Variants in AK9 observed in about 807,000 individuals in gnomAD.
The protein encoded by AK9 is adenylate kinase domain containing 1.
Under a neutral mutation model 239.6 loss-of-function variants are expected in AK9, and 191 were observed. That is an observed-to-expected ratio of 0.80 (90% CI 0.71 to 0.90). The LOEUF is 0.90. Among genes scored for constraint, AK9 ranks in the 40% least tolerant of loss-of-function variants. AK9 has a pLI of 0.00. For missense variants in AK9, 1,995 were observed against 2,214.7 expected, an observed-to-expected ratio of 0.90 and a Z score of 1.99; for synonymous variants, 689 against 721.0, an observed-to-expected ratio of 0.96 and a Z score of 0.71.
chr6:109,659,122 G>A, intron 7 of AK9, 106 bp downstream of exon 7: 3 of 1,313,674 alleles, frequency 2.3e-6, no homozygotes, highest in Admixed American at 5.9e-5. Flanking sequence ...AAGATGTAAA[G>A]AAAATGTATA....
At chr6:109,547,781 G>C (rs777278297) in intron 25 of AK9, among the ~76,000 whole-genome samples, 3 of 147,526 alleles carry the variant, frequency 2.0e-5, no homozygotes, top group African/African-American at 5.2e-5. Context: ...GATAAGATTT[G>C]CAAAGTATCC....
intron 8 of AK9, among the ~76,000 whole-genome samples, chr6:109,655,326 T>C (rs1799538154): frequency 2.0e-5 from 3 of 152,240 alleles, no homozygotes. Context: ...TACAGGCTTA[T>C]CATTCTTCAT....
intron 18 of AK9, among the ~76,000 whole-genome samples, chr6:109,585,667 T>C (rs778951359): frequency 1.3e-4 from 20 of 152,158 alleles, no homozygotes; most frequent in Non-Finnish European, 2.2e-4. Flanking sequence ...TGTGTGTGTG[T>C]GCGTGCTAAA....
intron 20 of AK9, among the ~76,000 whole-genome samples, chr6:109,577,930 CCTTT>C (rs956551450): frequency 1.1e-4 from 15 of 132,744 alleles, no homozygotes; most frequent in East Asian, 8.8e-4. Flanking sequence ...TTCTTTTCTT[CCTTT>C]CTTTCTCTTT....
intron 29 of AK9, among the ~76,000 whole-genome samples, chr6:109,522,345 C>T (rs1476315762): frequency 2.0e-5 from 3 of 152,100 alleles, no homozygotes; most frequent in South Asian, 4.1e-4. Context: ...AACTTTTCTT[C>T]TAACATTTCT....
At chr6:109,633,360 T>A in intron 10 of AK9, 37 bp from the exon 11 acceptor site, 2 of 1,568,250 alleles carry the variant, frequency 1.3e-6, no homozygotes. Context: ...AATATGGGCA[T>A]AAATTTTGCT....
intron 8 of AK9, among the ~76,000 whole-genome samples, chr6:109,646,762 A>G (rs186403896): frequency 8.3e-4 from 127 of 152,312 alleles, no homozygotes; most frequent in African/African-American, 2.7e-3. Flanking sequence ...CTCCTTGAGA[A>G]GAGCAACCCC....
In AK9 at chr6:109,511,688, G is replaced by C. The variant is rs28410263; in HGVS notation, c.4280-2308C>G. 5.4e-3 allele frequency among the ~76,000 whole-genome samples: 822 copies of C among 152,212 alleles called. 11 individuals carry two copies. The highest frequency in any genetic ancestry group is 0.019 in the African/African-American group (795 of 41,526). ...CCCATAAGGACGATGATTGACCAGGGACCACCATCAGGACCACCCAATAAA... is the reference window on the plus strand; with the variant it reads ...CCCATAAGGACGATGATTGACCAGGCACCACCATCAGGACCACCCAATAAA... On this transcript the variant is annotated intron_variant, in intron 32 of 40. Transcript: ENST00000424296.
intron 12 of AK9, among the ~76,000 whole-genome samples, chr6:109,627,373 T>C (rs954686408): frequency 5.3e-5 from 8 of 152,186 alleles, no homozygotes; most frequent in Admixed American, 1.3e-4. Context: ...AAAATAATGA[T>C]TAAAAGTACA....
At chr6:109,641,451 G>C (rs879216119) in intron 10 of AK9, 67 bp downstream of exon 10, 1 of 1,269,450 alleles carries the variant, frequency 7.9e-7, no homozygotes, top group South Asian at 1.3e-5. Context: ...TTACAGGTGT[G>C]AGCCACTGCA....
chr6:109,533,143 T>C lies in AK9; in HGVS notation c.3570+108A>G, dbSNP rs73523136. ...TCGATGAAAAATATTTCATGCTTAC[T>C]GTGGTATTAAAATTAGAATACTATA... On this transcript the variant is annotated intron_variant, in intron 28 of 40. Coordinates refer to ENST00000424296, the MANE Select transcript of AK9 (RefSeq NM_001145128.3). The C allele has an allele frequency of 2.4e-3, 1,837 of 779,118 alleles. 35 individuals are homozygous for C. The African/African-American group carries it at 0.025, about 11-fold the overall frequency. The allele number at this position is 779,118 out of a possible 1,614,324, so 48.3% of individuals were successfully genotyped here. A position where few individuals can be genotyped will look rare whatever the true frequency, so the allele number is the denominator to read the frequency against.
intron 24 of AK9, among the ~76,000 whole-genome samples, chr6:109,554,795 G>A (rs1260439745): frequency 2.0e-5 from 3 of 152,154 alleles, no homozygotes; most frequent in Admixed American, 6.5e-5. Flanking sequence ...GCCTTCCAAA[G>A]TGCTGGGAGT....
chr6:109,660,753 A>G (rs1430705213), intron 6 of AK9, among the ~76,000 whole-genome samples: 5 of 152,176 alleles, frequency 3.3e-5, no homozygotes, highest in Non-Finnish European at 1.5e-5. Context: ...AGAAGTGCTC[A>G]GTGTCACCTG....
chr6:109,615,000 A>G (rs1474529959), intron 13 of AK9, among the ~76,000 whole-genome samples: 1 of 152,210 alleles, frequency 6.6e-6, no homozygotes, highest in Non-Finnish European at 1.5e-5. Flanking sequence ...ATCTATTGCT[A>G]TATTCCAGTG....
At position 109,550,180 on chromosome 6, in the gene AK9, T is replaced by G; in HGVS notation, c.2874A>C (p.Arg958=). ...CACTTGAAAAGTAGTAGATCTTTTC[T>G]CGATACTTGGCTGCTTCTTCTGTGT... ...PGNTEEAAKY[R]EKIYYFSSAE... Residue 958 remains arginine (R), a synonymous_variant, in exon 25 of 41, where the codon CGA becomes CGC. Transcript: ENST00000424296. The G allele has an allele frequency of 6.2e-7, 1 of 1,614,016 alleles. No individual in the cohort carries two copies. Among genetic ancestry groups the G allele is most frequent in the Non-Finnish European group, 8.5e-7 (1 of 1,180,014 alleles).
intron 16 of AK9, 127 bp from the exon 17 acceptor site, chr6:109,610,640 T>C: frequency 1.9e-6 from 2 of 1,038,760 alleles, no homozygotes; most frequent in African/African-American, 1.6e-5. Context: ...GCAGCACATG[T>C]TGGAAGGAGG....
At chr6:109,535,048 T>C (rs1426801830) in intron 27 of AK9, among the ~76,000 whole-genome samples, 1 of 152,214 alleles carries the variant, frequency 6.6e-6, no homozygotes, top group East Asian at 1.9e-4. Flanking sequence ...CTATTGTGAA[T>C]AGTGCTGCAA....
At chr6:109,624,207 G>A (rs1283801637) in intron 12 of AK9, among the ~76,000 whole-genome samples, 1 of 151,952 alleles carries the variant, frequency 6.6e-6, no homozygotes, top group Admixed American at 6.6e-5. Flanking sequence ...ACCCCAAACT[G>A]GATTGGTTAT....
intron 35 of AK9, among the ~76,000 whole-genome samples, chr6:109,505,186 A>T (rs1459028916): frequency 6.6e-6 from 1 of 152,254 alleles, no homozygotes; most frequent in South Asian, 2.1e-4. Flanking sequence ...AAGCAAATCA[A>T]GATACAGTGC....
Sources: allele counts gnomAD v4.1 joint callset (sites outside exome capture counted in the v4.1 genomes callset), GRCh38; gene constraint gnomAD v4.1.1; transcripts MANE v1.5; gene names NCBI Gene and HGNC (gene_info 2026-07-23, HGNC 2026-07-21).